Variants in AIFM3 observed in about 807,000 individuals in gnomAD.
AIFM3 encodes the protein apoptosis-inducing factor 3.
Under a neutral mutation model 82.7 loss-of-function variants are expected in AIFM3, and 71 were observed. The ratio of observed to expected loss-of-function variants is 0.86; its 90% CI spans 0.71 to 1.05. AIFM3 has a LOEUF of 1.05. AIFM3 is among the 50% of genes least tolerant of loss of function. The pLI, the probability that AIFM3 is intolerant of heterozygous loss-of-function variation, is 0.00. For synonymous variants in AIFM3, 337 were observed against 329.1 expected (o/e 1.02, Z -0.26); for missense variants, 748 against 816.7 (o/e 0.92, Z 1.03).
chr22:20,968,125 A>G (rs1322879384), intron 2 of AIFM3, 150 bp downstream of exon 2: 2 of 800,174 alleles, frequency 2.5e-6, no homozygotes, highest in African/African-American at 1.7e-5. Context: ...CGCTGCCGCC[A>G]GGAGGGGGTA....
At position 20,981,218 on chromosome 22, in the gene AIFM3, T is replaced by A; in HGVS notation, c.*187T>A. On this transcript the variant is annotated 3_prime_UTR_variant, in exon 21 of 21. Coordinates refer to ENST00000440238, the MANE Select transcript of AIFM3 (RefSeq NM_001386814.1). The stretch of plus-strand genomic sequence containing the variant: ...GCTGGATCCAGAAGATGCTCAACCC[T>A]CAAGGCCTCTGCTGCCACTGACAGC... 1 of 718,072 alleles carries A rather than the reference T, an allele frequency of 1.4e-6. No individual in the cohort carries two copies. The highest frequency in any genetic ancestry group is 2.3e-6 in the Non-Finnish European group (1 of 439,906). The allele number at this position is 718,072 out of a possible 1,614,324, so 44.5% of individuals were successfully genotyped here. A position where few individuals can be genotyped will look rare whatever the true frequency, so the allele number is the denominator to read the frequency against.
In AIFM3 at chr22:20,979,538, A is replaced by G. The variant is rs1353623093; in HGVS notation, c.1577-89A>G. On this transcript the variant is annotated intron_variant, in intron 17 of 20. Transcript: ENST00000440238. ...AACTACCTAAAAGGACGTATGGAGC[A>G]GGGCCTGGGCGGGGTTAGGAGGGGA... 2.0e-6 allele frequency: 3 copies of G among 1,532,126 alleles called. No individual in the cohort carries two copies. The African/African-American group carries it at 4.1e-5, about 21-fold the overall frequency. 94.9% of individuals were successfully genotyped at this position (1,532,126 alleles called of 1,614,324 possible).
Position 20,976,520 on chromosome 22 carries a change from G to C in AIFM3, c.1012G>C (p.Val338Leu). 1 of 1,613,514 alleles carries C rather than the reference G, an allele frequency of 6.2e-7. No individual in the cohort carries two copies. The highest frequency in any genetic ancestry group is 8.5e-7 in the Non-Finnish European group (1 of 1,180,036). ...GGCCCGAGGCCGCAACGTGGTCGTC[G>C]TGGGAGCCGGCTTCCTGGGTGAGAG... ...RLARGRNVVVVGAGFLGMEVA... is the reference protein window; with the variant it reads ...RLARGRNVVVLGAGFLGMEVA... The change falls in exon 11 of 21, where the codon GTG becomes CTG. Residue 338 changes from valine to leucine, a missense_variant. Physicochemically the swap from Val to Leu is conservative, Grantham distance 32 (BLOSUM62 1). Around this residue, in one of 5 missense-constraint regions of AIFM3, gnomAD observed 393 missense variants for 481.1 expected, o/e 0.82. Coordinates refer to ENST00000440238, the MANE Select transcript of AIFM3 (RefSeq NM_001386814.1).
rs557227671 is a variant in AIFM3 at position 20,976,471 on chromosome 22, G to A, written c.963G>A (p.Glu321=). ...VENVFTIRTP[E]DANRVVRLAR... Reference sequence around the variant, plus strand: ...ACGTGTTCACTATCCGGACGCCAGAGGATGCCAATCGCGTGGTGAGGCTGG... The same window carrying A: ...ACGTGTTCACTATCCGGACGCCAGAAGATGCCAATCGCGTGGTGAGGCTGG... The change falls in exon 11 of 21, where the codon GAG becomes GAA. Residue 321 remains glutamate (E), a synonymous_variant. Coordinates refer to ENST00000440238, the MANE Select transcript of AIFM3 (RefSeq NM_001386814.1). The A allele has an allele frequency of 1.4e-5, 22 of 1,614,094 alleles. No homozygotes were observed. In the African/African-American group the frequency reaches 1.6e-4, roughly 12 times the overall value.
upstream of AIFM3, among the ~76,000 whole-genome samples, chr22:20,965,878 A>C (rs1332803983): frequency 6.6e-6 from 1 of 152,112 alleles, no homozygotes; most frequent in African/African-American, 2.4e-5. Context: ...GGACAGACAC[A>C]GACTCCTGCT....
In AIFM3 at chr22:20,971,896, A is replaced by C. The variant is rs563710659; in HGVS notation, c.32-1411A>C. Among the ~76,000 whole-genome samples, 91 of 151,846 alleles carry C rather than the reference A, an allele frequency of 6.0e-4. 1 individual carries two copies. Among genetic ancestry groups the C allele is most frequent in the African/African-American group, 2.1e-3 (87 of 41,366 alleles). ...CAAAAGTATAAAGAAGAAAATGGCAATCTCTGGCTCACTCCCCGCTAGAGC... is the reference window on the plus strand; with the variant it reads ...CAAAAGTATAAAGAAGAAAATGGCACTCTCTGGCTCACTCCCCGCTAGAGC... On this transcript the variant is annotated intron_variant, in intron 2 of 20. Transcript: ENST00000440238.
At chr22:20,973,544 G>C (rs775539381) in intron 3 of AIFM3, 24 bp downstream of exon 3, 7 of 1,598,766 alleles carry the variant, frequency 4.4e-6, no homozygotes, top group African/African-American at 2.7e-5. Context: ...TTGCCTGGGA[G>C]CGGGGATCAG....
chr22:20,965,231 T>A (rs1365671528), upstream of AIFM3: 3 of 142,570 alleles, frequency 2.1e-5, no homozygotes, highest in African/African-American at 7.8e-5. Flanking sequence ...CCGGGGACCC[T>A]GGTCCCCGGA....
chr22:20,974,208 G>T (rs781196530), intron 5 of AIFM3, 36 bp downstream of exon 5: 1 of 1,613,662 alleles, frequency 6.2e-7, no homozygotes, highest in Non-Finnish European at 8.5e-7. Flanking sequence ...GGAACCTGGG[G>T]GTGTGGGGTT....
chr22:20,979,863 C>T (rs1923971587), intron 18 of AIFM3, 157 bp from the exon 19 acceptor site: 3 of 1,146,230 alleles, frequency 2.6e-6, no homozygotes, highest in South Asian at 1.5e-5. Context: ...ACGGTCAAGC[C>T]GCGATGTGCA....
chr22:20,973,501 A>T lies in AIFM3; in HGVS notation c.226A>T (p.Lys76Ter), dbSNP rs1278204753. ...DCVEAAVCHVKDLENGQMREV... is the reference protein window; with the variant it reads ...DCVEAAVCHV ...CGTGGAGGCTGCTGTCTGCCACGTC[A>T]AGGACCTCGAGAATGGCCAGTGGGT... is the stretch of plus-strand genomic sequence containing the variant. The change falls in exon 3 of 21, where the codon AAG becomes TAG. Residue 76 changes from lysine (K) to a stop codon, truncating the protein, a stop_gained. Coordinates refer to ENST00000440238, the MANE Select transcript of AIFM3 (RefSeq NM_001386814.1). LOFTEE classifies it high-confidence loss of function. 2 of 1,612,362 alleles carry T rather than the reference A, an allele frequency of 1.2e-6. No individual in the cohort carries two copies. Among genetic ancestry groups the T allele is most frequent in the Admixed American group, 3.3e-5 (2 of 60,006 alleles).
chr22:20,978,150 T>C, intron 16 of AIFM3, 145 bp downstream of exon 16: 1 of 771,936 alleles, frequency 1.3e-6, no homozygotes, highest in Non-Finnish European at 2.1e-6. Flanking sequence ...GCCAGCCTCA[T>C]CTCGGCGATC....
Position 20,981,081 on chromosome 22 carries a change from G to T in AIFM3, c.*50G>T. The T allele has an allele frequency of 6.2e-7, 1 of 1,611,434 alleles. No individual in the cohort carries two copies. The highest frequency in any genetic ancestry group is 8.5e-7 in the Non-Finnish European group (1 of 1,178,516). On this transcript the variant is annotated 3_prime_UTR_variant, in exon 21 of 21. Coordinates refer to ENST00000440238, the MANE Select transcript of AIFM3 (RefSeq NM_001386814.1). ...GGCAAAGGGGGCACCAAGGGCACAG[G>T]CCAAGCCTTGGGGGCAGGTGCCAAT...
At chr22:20,972,731 T>C (rs1194308269) in intron 2 of AIFM3, among the ~76,000 whole-genome samples, 1 of 152,046 alleles carries the variant, frequency 6.6e-6, no homozygotes, top group Non-Finnish European at 1.5e-5. Context: ...CAGCTCTGTG[T>C]CCCCCTCACT....
chr22:20,976,730 G>T lies in AIFM3; in HGVS notation c.1110G>T (p.Arg370Ser). ...AGCTGGAGGAGACGCCCTTCAGGAG[G>T]TTCCTGGGGGAGCGCGTGGGTCGTG... ...VVELEETPFR[R>S]FLGERVGRAL... is the part of the protein sequence containing the mutation. Residue 370 changes from arginine to serine, a missense_variant, in exon 12 of 21, where the codon AGG (arginine) becomes AGT (serine). Arg to Ser is a moderately radical substitution (Grantham distance 110, BLOSUM62 -1). Around this residue, in one of 5 missense-constraint regions of AIFM3, gnomAD observed 393 missense variants for 481.1 expected, o/e 0.82. Coordinates refer to ENST00000440238, the MANE Select transcript of AIFM3 (RefSeq NM_001386814.1). The T allele has an allele frequency of 6.2e-7, 1 of 1,610,254 alleles. No individual in the cohort carries two copies. The highest frequency in any genetic ancestry group is 1.1e-5 in the South Asian group (1 of 90,692).
intron 2 of AIFM3, among the ~76,000 whole-genome samples, chr22:20,971,081 G>T (rs1322954719): frequency 6.6e-6 from 1 of 152,246 alleles, no homozygotes; most frequent in Non-Finnish European, 1.5e-5. Flanking sequence ...CTGCATCAGT[G>T]AGTGGGCTTG....
In AIFM3 at chr22:20,973,751, T is replaced by C; in HGVS notation, c.246-7T>C. ...TGGCCTGACCTCTGAGTGCTGCGGT[T>C]CCCCAGGATGCGGGAAGTGGAGCTG... On this transcript the variant is annotated splice_polypyrimidine_tract_variant and splice_region_variant and intron_variant, in intron 3 of 20. Coordinates refer to ENST00000440238, the MANE Select transcript of AIFM3 (RefSeq NM_001386814.1). 1 of 1,543,936 alleles carries C rather than the reference T, an allele frequency of 6.5e-7. No individual in the cohort carries two copies. The highest frequency in any genetic ancestry group is 8.7e-7 in the Non-Finnish European group (1 of 1,144,524).
Position 20,981,179 on chromosome 22 carries a change from C to A in AIFM3, c.*148C>A. 9.3e-7 allele frequency: 1 copy of A among 1,071,972 alleles called. No homozygotes were observed. Among genetic ancestry groups the A allele is most frequent in the Non-Finnish European group, 1.4e-6 (1 of 737,146 alleles). 66.4% of individuals were successfully genotyped at this position (1,071,972 alleles called of 1,614,324 possible). A position where few individuals can be genotyped will look rare whatever the true frequency, so the allele number is the denominator to read the frequency against. On this transcript the variant is annotated 3_prime_UTR_variant, in exon 21 of 21. Coordinates refer to ENST00000440238, the MANE Select transcript of AIFM3 (RefSeq NM_001386814.1). ...TTGCCTTCAGCCACCTGGCTCCCCTCCTGGGAGGCCTCTGCTGGATCCAGA... is the reference window on the plus strand; with the variant it reads ...TTGCCTTCAGCCACCTGGCTCCCCTACTGGGAGGCCTCTGCTGGATCCAGA...
rs753294999 is a variant in AIFM3 at position 20,977,749 on chromosome 22, T to G, written c.1332T>G (p.Asp444Glu). 6.2e-7 allele frequency: 1 copy of G among 1,614,060 alleles called. No individual in the cohort carries two copies. The highest frequency in any genetic ancestry group is 1.3e-5 in the African/African-American group (1 of 74,918). Residue 444 changes from aspartate to glutamate, a missense_variant, in exon 15 of 21, where the codon GAT becomes GAG. Around this residue, in one of 5 missense-constraint regions of AIFM3, gnomAD observed 393 missense variants for 481.1 expected, o/e 0.82. Coordinates refer to ENST00000440238, the MANE Select transcript of AIFM3 (RefSeq NM_001386814.1). ...GFLRQSGIGL[D>E]SRGFIPVNKM... is the part of the protein sequence containing the mutation. ...TGAGGCAAAGCGGCATCGGTTTGGA[T>G]TCCCGAGGCTTCATCCCTGTCAACA...
Sources: allele counts gnomAD v4.1 joint callset (sites outside exome capture counted in the v4.1 genomes callset), GRCh38; gene constraint gnomAD v4.1.1; regional missense constraint gnomAD v4.1.1; transcripts MANE v1.5; gene names NCBI Gene and HGNC (gene_info 2026-07-23, HGNC 2026-07-21).